Variants in ME3 observed in about 807,000 individuals in gnomAD.
The protein encoded by ME3 is malic enzyme 3.
In ME3, 48 loss-of-function variants were observed where a neutral mutation model predicts 68.9. The ratio of observed to expected loss-of-function variants is 0.70; its 90% CI spans 0.55 to 0.89. The LOEUF is 0.89. ME3 is among the 40% of genes least tolerant of loss of function. The probability of loss-of-function intolerance (pLI) is 0.00; values close to 1 mark genes in which losing one functional copy is unlikely to be tolerated. For missense variants in ME3, 675 were observed against 797.4 expected, an observed-to-expected ratio of 0.85 and a Z score of 1.85; for synonymous variants, 320 against 318.8, an observed-to-expected ratio of 1.00 and a Z score of -0.04.
chr11:86,644,291 C>T (rs889165476), intron 2 of ME3, among the ~76,000 whole-genome samples: 3 of 152,170 alleles, frequency 2.0e-5, no homozygotes, highest in Admixed American at 2.0e-4. Context: ...CTTGCTTCTT[C>T]CACTCTTGCC....
intron 2 of ME3, among the ~76,000 whole-genome samples, chr11:86,623,873 A>G (rs1375156698): frequency 6.6e-6 from 1 of 152,020 alleles, no homozygotes; most frequent in Non-Finnish European, 1.5e-5. Flanking sequence ...AATAGAGTAG[A>G]TGTCTTCTGA....
Position 86,638,464 on chromosome 11 carries a change from A to G in ME3, c.183+33298T>C, listed in dbSNP as rs570845611. On this transcript the variant is annotated intron_variant, in intron 2 of 14. Coordinates refer to ENST00000543262, the Ensembl canonical transcript of ME3. ...AATCACAACCACAGCACACAAATAA[A>G]TAAGTAGAACTTAATGTGTCTTTGT... 2.6e-5 allele frequency among the ~76,000 whole-genome samples: 4 copies of G among 152,342 alleles called. No homozygotes were observed. In the South Asian group the frequency reaches 8.3e-4, roughly 32 times the overall value.
chr11:86,580,598 CT>C (rs1389520336), intron 2 of ME3, among the ~76,000 whole-genome samples: 1 of 152,120 alleles, frequency 6.6e-6, no homozygotes, highest in Non-Finnish European at 1.5e-5. Context: ...ATCAAATACT[CT>C]TGTGGTAGGT....
intron 2 of ME3, among the ~76,000 whole-genome samples, chr11:86,621,767 A>G (rs77991549): frequency 0.035 from 5,333 of 152,098 alleles, 135 homozygotes; most frequent in Non-Finnish European, 0.054. Flanking sequence ...CATAATTACA[A>G]TCGAGGTTGG....
At chr11:86,565,135 A>T (rs1957419665) in intron 2 of ME3, among the ~76,000 whole-genome samples, 1 of 152,190 alleles carries the variant, frequency 6.6e-6, no homozygotes, top group South Asian at 2.1e-4. Context: ...TCAAAGCCAC[A>T]ATATGATACA....
At chr11:86,662,770 A>G (rs1946365431) in intron 2 of ME3, among the ~76,000 whole-genome samples, 1 of 152,218 alleles carries the variant, frequency 6.6e-6, no homozygotes, top group Non-Finnish European at 1.5e-5. Flanking sequence ...ACTTCCCTCC[A>G]TAACGTTACC....
At chr11:86,492,922 G>A (rs1952086301) in intron 6 of ME3, among the ~76,000 whole-genome samples, 1 of 152,126 alleles carries the variant, frequency 6.6e-6, no homozygotes, top group African/African-American at 2.4e-5. Flanking sequence ...TGGGGGTCTG[G>A]GAGGTCACGG....
chr11:86,504,683 T>C (rs2446231), intron 5 of ME3, among the ~76,000 whole-genome samples: 116,187 of 151,292 alleles, frequency 0.77, 44,789 homozygotes, highest in Non-Finnish European at 0.8. Context: ...CTTGAGCCAC[T>C]GTGCCCAGCC....
At chr11:86,497,922 A>G (rs1222391065) in intron 6 of ME3, 41 bp downstream of exon 6, 2 of 1,539,370 alleles carry the variant, frequency 1.3e-6, no homozygotes, top group African/African-American at 1.4e-5. Context: ...CCCAGTTGCC[A>G]CCTTTTGGCC....
chr11:86,588,967 AC>A (rs570714401), intron 2 of ME3, among the ~76,000 whole-genome samples: 244 of 151,694 alleles, frequency 1.6e-3, no homozygotes, highest in African/African-American at 5.7e-3. Flanking sequence ...GCCCTCCCTC[AC>A]CTCCCAGGGC....
chr11:86,500,481 C>G (rs1952653849), intron 5 of ME3, among the ~76,000 whole-genome samples: 1 of 152,200 alleles, frequency 6.6e-6, no homozygotes, highest in South Asian at 2.1e-4. Context: ...AACCAGACTC[C>G]TTGCCTCTCA....
intron 4 of ME3, among the ~76,000 whole-genome samples, chr11:86,527,994 C>T (rs1240610744): frequency 6.6e-6 from 1 of 152,174 alleles, no homozygotes; most frequent in Non-Finnish European, 1.5e-5. Context: ...AGATCAAATT[C>T]ACACATAACA....
At chr11:86,636,186 G>T (rs2135352278) in intron 2 of ME3, among the ~76,000 whole-genome samples, 1 of 152,244 alleles carries the variant, frequency 6.6e-6, no homozygotes, top group East Asian at 1.9e-4. Context: ...GGTATGTCTG[G>T]TTTGAGACTT....
intron 4 of ME3, among the ~76,000 whole-genome samples, chr11:86,522,601 A>G (rs1199217730): frequency 6.6e-6 from 1 of 151,456 alleles, no homozygotes; most frequent in African/African-American, 2.4e-5. Flanking sequence ...TCACTGTTCA[A>G]CTCCCACATG....
intron 4 of ME3, among the ~76,000 whole-genome samples, chr11:86,512,087 T>C (rs1335841882): frequency 1.3e-5 from 2 of 152,184 alleles, no homozygotes; most frequent in Admixed American, 6.5e-5. Context: ...AGCTGCCTTG[T>C]GTTAATTAAA....
intron 2 of ME3, among the ~76,000 whole-genome samples, chr11:86,570,709 A>G (rs1287269256): frequency 6.6e-6 from 1 of 152,200 alleles, no homozygotes; most frequent in Non-Finnish European, 1.5e-5. Flanking sequence ...AAACCAGCCT[A>G]AATCTCAAAG....
chr11:86,556,456 T>C, intron 4 of ME3, 97 bp downstream of exon 4: 1 of 1,413,580 alleles, frequency 7.1e-7, no homozygotes, highest in Non-Finnish European at 9.5e-7. Context: ...CCAATCAGAG[T>C]TAGCCTCCAG....
chr11:86,484,938 TAA>T (rs1438404980), intron 7 of ME3, among the ~76,000 whole-genome samples: 2 of 152,178 alleles, frequency 1.3e-5, no homozygotes, highest in Admixed American at 1.3e-4. Flanking sequence ...AGGATTTTTT[TAA>T]GAGGTTAGAA....
At chr11:86,474,204 T>G (rs972607481) in intron 7 of ME3, among the ~76,000 whole-genome samples, 27 of 152,308 alleles carry the variant, frequency 1.8e-4, no homozygotes, top group Admixed American at 1.2e-3. Flanking sequence ...AGACTGGGAT[T>G]CTGGCCTAAG....
Sources: gnomAD v4.1 joint callset for allele counts (sites outside exome capture counted in the v4.1 genomes callset) on GRCh38, gnomAD v4.1.1 for gene constraint, MANE v1.5 for transcripts, NCBI Gene and HGNC (gene_info 2026-07-23, HGNC 2026-07-21) for gene names.